DNAH9: variants seen among roughly 807,000 people sequenced by gnomAD.
DNAH9 encodes DNAH9 variant protein.
A neutral mutation model predicts 471.6 loss-of-function variants in DNAH9; 345 were observed. The observed-to-expected ratio is 0.73, with a 90% CI of 0.67 to 0.80. The LOEUF (loss-of-function observed/expected upper bound fraction) is 0.80, where lower values mean the gene tolerates loss of function less well. Among genes scored for constraint, DNAH9 ranks in the 30% least tolerant of loss-of-function variants. The pLI is 0.00. For synonymous variants in DNAH9, 2,093 were observed against 2,123.6 expected (o/e 0.99, Z 0.40); for missense variants, 5,407 against 5,609.2 (o/e 0.96, Z 1.15).
chr17:11,662,176 G>A (rs1266474596), intron 14 of DNAH9, among the ~76,000 whole-genome samples: 1 of 152,012 alleles, frequency 6.6e-6, no homozygotes, highest in Non-Finnish European at 1.5e-5. Context: ...GTCATAATTT[G>A]AATCTTTGTT....
chr17:11,918,470 A>G (rs758689271), intron 61 of DNAH9, among the ~76,000 whole-genome samples: 1 of 152,098 alleles, frequency 6.6e-6, no homozygotes, highest in African/African-American at 2.4e-5. Flanking sequence ...AGCTCAAGCA[A>G]CCTGCCCACC....
intron 57 of DNAH9, 95 bp downstream of exon 57, chr17:11,887,060 T>C (rs1373546676): frequency 6.9e-7 from 1 of 1,451,770 alleles, no homozygotes; most frequent in African/African-American, 1.4e-5. Flanking sequence ...GTAAGATCAT[T>C]AGCTATGGCA....
chr17:11,906,044 G>T (rs1038674811), intron 61 of DNAH9, among the ~76,000 whole-genome samples: 1 of 152,050 alleles, frequency 6.6e-6, no homozygotes, highest in African/African-American at 2.4e-5. Flanking sequence ...AGGAGGCCTC[G>T]TCCCCTCCAC....
intron 26 of DNAH9, 109 bp from the exon 27 acceptor site, chr17:11,719,225 T>C: frequency 9.0e-7 from 1 of 1,115,978 alleles, no homozygotes; most frequent in Non-Finnish European, 1.3e-6. Flanking sequence ...GGGGCAGGGC[T>C]CTTGGCTTTC....
At chr17:11,599,130 G>T (rs1567653772) in intron 1 of DNAH9, among the ~76,000 whole-genome samples, 2 of 152,054 alleles carry the variant, frequency 1.3e-5, no homozygotes, top group Non-Finnish European at 2.9e-5. Context: ...GTTAGGGGCG[G>T]AGTCGGGTGG....
At position 11,797,744 on chromosome 17, in the gene DNAH9, G is replaced by A. The variant is rs1401476461; in HGVS notation, c.8371G>A (p.Val2791Ile). Reference sequence around the variant, plus strand: ...GGAGGCCTTGGAGAACCACAATGAAGTCAACACAGTGATGGACCTAGTTCT... The same window carrying A: ...GGAGGCCTTGGAGAACCACAATGAAATCAACACAGTGATGGACCTAGTTCT... ...LVEALENHNE[V>I]NTVMDLVLFE... The change falls in exon 43 of 69, where the codon GTC becomes ATC. Residue 2791 changes from valine to isoleucine, a missense_variant. Val to Ile is a conservative substitution (Grantham distance 29). This residue lies in a region of DNAH9 where 4,636 missense variants were observed against 4,900.3 expected (regional missense o/e 0.95). Coordinates refer to ENST00000262442, the MANE Select transcript of DNAH9 (RefSeq NM_001372.4). 1.9e-6 allele frequency: 3 copies of A among 1,614,216 alleles called. No homozygotes were observed. The highest frequency in any genetic ancestry group is 4.5e-5 in the East Asian group (2 of 44,874).
intron 45 of DNAH9, among the ~76,000 whole-genome samples, chr17:11,821,550 T>C (rs1001522108): frequency 3.9e-5 from 6 of 152,048 alleles, no homozygotes; most frequent in African/African-American, 1.4e-4. Context: ...GTATTTTGGA[T>C]CCTATTAGCC....
chr17:11,823,950 A>G (rs955772187), intron 48 of DNAH9, among the ~76,000 whole-genome samples: 2 of 151,762 alleles, frequency 1.3e-5, no homozygotes, highest in African/African-American at 2.4e-5. Context: ...AAAGAAAGAA[A>G]AAAAGAAAGA....
At chr17:11,918,707 C>G (rs375804336) in intron 61 of DNAH9, among the ~76,000 whole-genome samples, 176 of 152,056 alleles carry the variant, frequency 1.2e-3, no homozygotes, top group Non-Finnish European at 1.9e-3. Flanking sequence ...AAAAGAGGGC[C>G]GGGCGCAGTG....
intron 30 of DNAH9, among the ~76,000 whole-genome samples, chr17:11,743,071 C>T (rs1458385399): frequency 3.9e-5 from 6 of 152,120 alleles, no homozygotes; most frequent in Non-Finnish European, 8.8e-5. Flanking sequence ...GTGATCTGTA[C>T]CACAGCTCCC....
intron 35 of DNAH9, among the ~76,000 whole-genome samples, chr17:11,758,830 T>G (rs1967519166): frequency 6.6e-6 from 1 of 152,232 alleles, no homozygotes; most frequent in East Asian, 1.9e-4. Context: ...ACATTACTTT[T>G]GATTTCATAG....
chr17:11,660,319 C>CTTTTT (rs1208889792), intron 14 of DNAH9, among the ~76,000 whole-genome samples: 21 of 97,500 alleles, frequency 2.2e-4, no homozygotes, highest in Admixed American at 2.6e-4. Context: ...TTAAATGTTT[C>CTTTTT]TTTTTTTTTT....
chr17:11,938,586 T>A (rs181074765), intron 66 of DNAH9, among the ~76,000 whole-genome samples: 1 of 152,048 alleles, frequency 6.6e-6, no homozygotes, highest in African/African-American at 2.4e-5. Context: ...TGGTACTGCC[T>A]GGATTTTTTT....
At position 11,626,233 on chromosome 17, in the gene DNAH9, CATTT is replaced by C. The variant is rs1217468730; in HGVS notation, c.1351-3182_1351-3179del. Reference sequence around the variant, plus strand: ...ATAAAAATAGATATTTAAAAAATATCATTTAAACTTCTTATTGATTTAAATTGCC... The same window carrying C: ...ATAAAAATAGATATTTAAAAAATATCAAACTTCTTATTGATTTAAATTGCC... On this transcript the variant is annotated intron_variant, in intron 6 of 68. Transcript: ENST00000262442. The surrounding 1 kb of genome is among the most constrained non-coding windows in gnomAD (Gnocchi z 4.3). 2.6e-5 allele frequency among the ~76,000 whole-genome samples: 4 copies of C among 152,110 alleles called. No individual in the cohort carries two copies. The highest frequency in any genetic ancestry group is 9.7e-5 in the African/African-American group (4 of 41,406).
intron 64 of DNAH9, among the ~76,000 whole-genome samples, chr17:11,933,184 A>G (rs1974578581): frequency 6.6e-6 from 1 of 152,156 alleles, no homozygotes; most frequent in Non-Finnish European, 1.5e-5. Context: ...TCTTGTCATT[A>G]AAGGCAGAAA....
At chr17:11,821,644 A>G (rs1227909718) in intron 45 of DNAH9, among the ~76,000 whole-genome samples, 1 of 152,182 alleles carries the variant, frequency 6.6e-6, no homozygotes, top group Non-Finnish European at 1.5e-5. Flanking sequence ...AAATGCTTTG[A>G]GCAAAAGAAA....
chr17:11,895,793 A>T (rs1382261220), intron 59 of DNAH9, among the ~76,000 whole-genome samples: 1 of 152,192 alleles, frequency 6.6e-6, no homozygotes, highest in African/African-American at 2.4e-5. Context: ...ACAGTATATA[A>T]CCATGTGGGA....
intron 32 of DNAH9, among the ~76,000 whole-genome samples, chr17:11,749,873 A>G (rs1238102322): frequency 6.6e-6 from 1 of 152,128 alleles, no homozygotes; most frequent in Non-Finnish European, 1.5e-5. Context: ...TATTTCAGTT[A>G]CAATCATTTT....
chr17:11,968,202 A>G lies in DNAH9; in HGVS notation c.13234-1098A>G, dbSNP rs181122798. Among the ~76,000 whole-genome samples the G allele has an allele frequency of 2.8e-3, 428 of 151,512 alleles. 3 individuals are homozygous for G. In the East Asian group the frequency reaches 0.055, roughly 19 times the overall value. ...GGATTGGTTTTACAGTATGTTGGGG[A>G]AAAAAAAAGAGGTTCTACCTCTGTT... On this transcript the variant is annotated intron_variant, in intron 68 of 68. Coordinates refer to ENST00000262442, the MANE Select transcript of DNAH9 (RefSeq NM_001372.4).
Sources: gnomAD v4.1 joint callset for allele counts (sites outside exome capture counted in the v4.1 genomes callset) on GRCh38, gnomAD v4.1.1 for gene constraint, gnomAD v4.1.1 regional missense constraint, Gnocchi (gnomAD v3.1) non-coding constraint, MANE v1.5 for transcripts, NCBI Gene and HGNC (gene_info 2026-07-23, HGNC 2026-07-21) for gene names.